PAK6: variants seen among roughly 807,000 people sequenced by gnomAD.
The protein encoded by PAK6 is serine/threonine-protein kinase PAK 6.
PAK6 carries 33 observed loss-of-function variants against 60.8 expected under a neutral mutation model. The ratio of observed to expected loss-of-function variants is 0.54; its 90% CI spans 0.41 to 0.73. The LOEUF (loss-of-function observed/expected upper bound fraction) is 0.73, where lower values mean the gene tolerates loss of function less well. PAK6 is among the 30% of genes least tolerant of loss of function. The pLI is 0.00. For synonymous variants in PAK6, 404 were observed against 378.5 expected, an observed-to-expected ratio of 1.07 and a Z score of -0.78; for missense variants, 845 against 904.1, an observed-to-expected ratio of 0.93 and a Z score of 0.84.
chr15:40,248,830 C>T (rs954184849), intron 2 of PAK6, among the ~76,000 whole-genome samples: 5 of 152,188 alleles, frequency 3.3e-5, no homozygotes, highest in Non-Finnish European at 7.3e-5. Flanking sequence ...TGGTCTCTCC[C>T]CACTGCCCGT....
exon 3 of PAK6, chr15:40,253,219 C>T (rs954264109): frequency 4.4e-6 from 2 of 456,010 alleles, no homozygotes; most frequent in Non-Finnish European, 8.8e-6. Context: ...GGTCTTCCCT[C>T]TCCTCAGCGC....
At chr15:40,248,518 G>A (rs914200376) in intron 2 of PAK6, among the ~76,000 whole-genome samples, 10 of 152,186 alleles carry the variant, frequency 6.6e-5, no homozygotes, top group African/African-American at 1.9e-4. Context: ...GGCCTGAGGC[G>A]ACTGGGCCAT....
intron 7 of PAK6, 34 bp from the exon 8 acceptor site, chr15:40,273,312 C>T: frequency 6.2e-7 from 1 of 1,606,626 alleles, no homozygotes; most frequent in Non-Finnish European, 8.5e-7. Flanking sequence ...AGCTAACGTT[C>T]TCTTTCATCG....
At chr15:40,253,098 C>A (rs1566845994) in intron 2 of PAK6, 80 bp from the exon 3 acceptor site, 1 of 417,748 alleles carries the variant, frequency 2.4e-6, no homozygotes, top group Non-Finnish European at 4.9e-6. Flanking sequence ...TTCCCAGCGC[C>A]TGGACGTCAG....
intron 3 of PAK6, among the ~76,000 whole-genome samples, chr15:40,263,080 T>C (rs767613982): frequency 6.6e-6 from 1 of 152,184 alleles, no homozygotes; most frequent in Non-Finnish European, 1.5e-5. Context: ...GCATGGTGAA[T>C]TCCTAGTGGG....
chr15:40,273,112 C>T (rs913748914), intron 7 of PAK6, 113 bp downstream of exon 7: 8 of 1,389,550 alleles, frequency 5.8e-6, no homozygotes, highest in Admixed American at 2.1e-5. Context: ...CTGGGCTCCC[C>T]TGCCTGCTGG....
At chr15:40,264,502 G>A (rs1345804026) in intron 3 of PAK6, 13 of 573,618 alleles carry the variant, frequency 2.3e-5, no homozygotes, top group Non-Finnish European at 1.6e-5. Flanking sequence ...CCCAGAGTCT[G>A]CCTGCTCCAT....
chr15:40,276,701 T>C (rs1399845517), exon 11 of PAK6: 1 of 150,994 alleles, frequency 6.6e-6, no homozygotes, highest in East Asian at 1.9e-4. Context: ...AGAGAAAGAA[T>C]GGGGTCGGTG....
chr15:40,271,439 T>C (rs184263564), intron 5 of PAK6, among the ~76,000 whole-genome samples: 316 of 152,232 alleles, frequency 2.1e-3, no homozygotes, highest in Non-Finnish European at 3.7e-3. Flanking sequence ...GCCAGGAGTT[T>C]CATGCCAGGG....
intron 3 of PAK6, among the ~76,000 whole-genome samples, chr15:40,261,541 A>T (rs922097522): frequency 8.0e-5 from 12 of 150,376 alleles, no homozygotes; most frequent in African/African-American, 2.2e-4. Context: ...CATCTCAAAA[A>T]ATATATATAT....
rs1445515286 is a variant in PAK6 at position 40,272,992 on chromosome 15, C to T, written c.1483C>T (p.Gln495Ter). The T allele has an allele frequency of 1.2e-6, 2 of 1,613,640 alleles. No individual in the cohort carries two copies. The highest frequency in any genetic ancestry group is 2.2e-5 in the South Asian group (2 of 91,066). The change falls in exon 7 of 11, where the codon CAA (glutamine) becomes TAA (stop). Residue 495 changes from glutamine to a stop codon, truncating the protein, a stop_gained. Transcript: ENST00000560346. LOFTEE classifies it high-confidence loss of function. ...AGGAGCCCTCACAGACATCGTCTCC[C>T]AAGTCAGGTGGGCAGCTGGGAGGGC...
chr15:40,272,223 G>A lies in PAK6; in HGVS notation c.859-1G>A. 3.7e-6 allele frequency: 6 copies of A among 1,604,936 alleles called. No individual in the cohort carries two copies. Among genetic ancestry groups the A allele is most frequent in the Non-Finnish European group, 5.1e-6 (6 of 1,174,030 alleles). ...CCCTTCCTGTTGCTTTGTCCCTGCA[G>A]CCCAACTCCTCTTTCCGACCGCCGC... On this transcript the variant is annotated splice_acceptor_variant, in intron 5 of 10. Coordinates refer to ENST00000560346, the Ensembl canonical transcript of PAK6. LOFTEE classifies it high-confidence loss of function.
intron 10 of PAK6, 151 bp downstream of exon 10, chr15:40,274,427 C>G: frequency 4.9e-6 from 4 of 818,772 alleles, no homozygotes; most frequent in Non-Finnish European, 5.6e-6. Flanking sequence ...AAAACCCGCA[C>G]CTGGGTGTGG....
intron 2 of PAK6, among the ~76,000 whole-genome samples, chr15:40,242,970 G>A (rs1452693686): frequency 6.6e-6 from 1 of 152,162 alleles, no homozygotes; most frequent in Non-Finnish European, 1.5e-5. Flanking sequence ...CCCTGCAGCA[G>A]AGCAGTGGAA....
chr15:40,272,311 G>A lies in PAK6; in HGVS notation c.946G>A (p.Gly316Arg). 6.2e-7 allele frequency: 1 copy of A among 1,614,020 alleles called. No homozygotes were observed. The highest frequency in any genetic ancestry group is 1.1e-5 in the South Asian group (1 of 91,084). ...GTCCTTGCCCTCGGACCAGCCGGTG[G>A]GGACCTTCAGCCCTCTGACCACTTC... Residue 316 changes from glycine (G) to arginine (R), a missense_variant, in exon 6 of 11, where the codon GGG (glycine) becomes AGG (arginine). Physicochemically the swap from Gly to Arg is moderately radical, Grantham distance 125. Transcript: ENST00000560346.
chr15:40,244,629 C>G (rs1426209239), intron 2 of PAK6, among the ~76,000 whole-genome samples: 1 of 152,044 alleles, frequency 6.6e-6, no homozygotes, highest in African/African-American at 2.4e-5. Flanking sequence ...AACTCCTGAC[C>G]TCAGGTGATC....
chr15:40,266,620 A>T, intron 5 of PAK6, 125 bp downstream of exon 5: 1 of 916,448 alleles, frequency 1.1e-6, no homozygotes, highest in Non-Finnish European at 1.6e-6. Context: ...CTAAGGCGGC[A>T]GAAATGTGCA....
intron 3 of PAK6, 63 bp from the exon 4 acceptor site, chr15:40,264,718 C>T: frequency 1.8e-5 from 27 of 1,459,618 alleles, no homozygotes; most frequent in Non-Finnish European, 2.5e-5. Flanking sequence ...CCTGGTGCCC[C>T]AGGCCCTGCT....
chr15:40,259,898 G>A (rs2038941257), intron 3 of PAK6: 1 of 151,188 alleles, frequency 6.6e-6, no homozygotes, highest in Non-Finnish European at 1.5e-5. Flanking sequence ...ATCACCTGTA[G>A]CCCCACCAGG....
Sources: allele counts gnomAD v4.1 joint callset (sites outside exome capture counted in the v4.1 genomes callset), GRCh38; gene constraint gnomAD v4.1.1; transcripts MANE v1.5; gene names NCBI Gene and HGNC (gene_info 2026-07-23, HGNC 2026-07-21).